MCC: variants seen among roughly 807,000 people sequenced by gnomAD.
MCC encodes the protein MCC regulator of Wnt signaling pathway.
In MCC, 90 loss-of-function variants were observed where a neutral mutation model predicts 116.2. That is an observed-to-expected ratio of 0.77 (90% confidence interval 0.65 to 0.92). The LOEUF is 0.92. Among genes scored for constraint, MCC ranks in the 40% least tolerant of loss-of-function variants. The pLI, the probability that MCC is intolerant of heterozygous loss-of-function variation, is 0.00. For missense variants in MCC, 1,516 were observed against 1,312.2 expected, an observed-to-expected ratio of 1.16 and a Z score of -2.40; for synonymous variants, 578 against 510.5, an observed-to-expected ratio of 1.13 and a Z score of -1.78.
At chr5:113,113,607 C>A (rs912610947) in intron 6 of MCC, among the ~76,000 whole-genome samples, 1 of 145,200 alleles carries the variant, frequency 6.9e-6, no homozygotes, top group Non-Finnish European at 1.5e-5. Context: ...AGGAACCTCC[C>A]GCTGCAACAT....
At position 113,488,327 on chromosome 5, in the gene MCC, CGCT is replaced by C. The variant is rs577989080; in HGVS notation, c.85_87del (p.Ser29del). On this transcript the variant is annotated inframe_deletion, in exon 1 of 19. Coordinates refer to ENST00000408903, the MANE Select transcript of MCC (RefSeq NM_001085377.2). ...TCCTCCTCGCCGGTGCTGGACGTGT[CGCT>C]GCTGCTGCTGCTGCTGCCGCTGCCG... 7.4e-5 allele frequency: 112 copies of C among 1,516,496 alleles called. No individual in the cohort carries two copies. Among genetic ancestry groups the C allele is most frequent in the African/African-American group, 3.3e-4 (23 of 69,356 alleles). 93.9% of individuals were successfully genotyped at this position (1,516,496 alleles called of 1,614,324 possible). A position where few individuals can be genotyped will look rare whatever the true frequency, so the allele number is the denominator to read the frequency against.
At chr5:113,286,438 C>T (rs1048164013) in intron 3 of MCC, among the ~76,000 whole-genome samples, 2 of 152,176 alleles carry the variant, frequency 1.3e-5, no homozygotes, top group Admixed American at 6.5e-5. Context: ...CTGACATGCG[C>T]ACACACATTG....
rs2150378842 is a variant in MCC at position 113,340,669 on chromosome 5, G to T, written c.477C>A (p.Ser159Arg). 1 of 1,614,086 alleles carries T rather than the reference G, an allele frequency of 6.2e-7. No homozygotes were observed. Residue 159 changes from serine to arginine, a missense_variant, in exon 3 of 19, where the codon AGC becomes AGA. Transcript: ENST00000408903. ...GGGCTGACTGGCTCTGCACATCCGG[G>T]CTCTGGAGGTCCCTGGCACCAGAGT... ...EYDSGARDLQ[S>R]PDVQSQSALQ...
At chr5:113,473,149 T>C (rs1051066262) in intron 1 of MCC, among the ~76,000 whole-genome samples, 1 of 152,204 alleles carries the variant, frequency 6.6e-6, no homozygotes, top group African/African-American at 2.4e-5. Context: ...TAACTAACCA[T>C]AGAGGGATAG....
At chr5:113,403,960 G>A (rs990810828) in intron 1 of MCC, among the ~76,000 whole-genome samples, 1 of 152,072 alleles carries the variant, frequency 6.6e-6, no homozygotes, top group Non-Finnish European at 1.5e-5. Context: ...TCCGCCTCCC[G>A]GGTTCAAGCG....
intron 3 of MCC, among the ~76,000 whole-genome samples, chr5:113,243,921 C>T (rs574999445): frequency 6.6e-6 from 1 of 152,232 alleles, no homozygotes; most frequent in African/African-American, 2.4e-5. Context: ...TGCCACCCAT[C>T]CAACACCCGG....
chr5:113,043,194 T>G (rs1751841053), intron 17 of MCC, among the ~76,000 whole-genome samples: 1 of 152,238 alleles, frequency 6.6e-6, no homozygotes, highest in Non-Finnish European at 1.5e-5. Context: ...CTGCTGAAGT[T>G]GGAAACAAGG....
chr5:113,055,454 G>A (rs1206101026), intron 14 of MCC, among the ~76,000 whole-genome samples: 1 of 152,216 alleles, frequency 6.6e-6, no homozygotes, highest in Non-Finnish European at 1.5e-5. Flanking sequence ...CTTCCGGGGA[G>A]AGAAAAGCTG....
chr5:113,486,350 C>G (rs550441224), intron 1 of MCC, among the ~76,000 whole-genome samples: 1 of 152,306 alleles, frequency 6.6e-6, no homozygotes, highest in Admixed American at 6.5e-5. Flanking sequence ...TAATCCAAAA[C>G]GGCTTCTTTA....
At chr5:113,147,674 C>T (rs1759604794) in intron 4 of MCC, among the ~76,000 whole-genome samples, 1 of 152,094 alleles carries the variant, frequency 6.6e-6, no homozygotes, top group Non-Finnish European at 1.5e-5. Context: ...TAAGTTCTTG[C>T]CCAGGTTCGC....
intron 5 of MCC, among the ~76,000 whole-genome samples, chr5:113,123,715 C>T (rs114838948): frequency 1.2e-3 from 181 of 152,264 alleles, no homozygotes; most frequent in African/African-American, 4.1e-3. Flanking sequence ...GGTATGGAGA[C>T]AGCAAAATGA....
chr5:113,414,879 T>C (rs1276534299), intron 1 of MCC, among the ~76,000 whole-genome samples: 2 of 152,246 alleles, frequency 1.3e-5, no homozygotes, highest in African/African-American at 4.8e-5. Context: ...CTTTACAGTT[T>C]GTCATGTTTT....
intron 1 of MCC, among the ~76,000 whole-genome samples, chr5:113,392,603 G>A (rs1769427885): frequency 6.6e-6 from 1 of 152,000 alleles, no homozygotes; most frequent in Admixed American, 6.6e-5. Flanking sequence ...CATAAATGGA[G>A]GAGACATGAA....
chr5:113,211,724 A>C (rs1763141821), intron 3 of MCC, among the ~76,000 whole-genome samples: 1 of 152,184 alleles, frequency 6.6e-6, no homozygotes, highest in African/African-American at 2.4e-5. Context: ...GAGACCTTTA[A>C]CTCATTATCT....
In MCC at chr5:113,027,334, A is replaced by C. The variant is rs752582099; in HGVS notation, c.3028T>G (p.Ser1010Ala). 6.2e-6 allele frequency: 10 copies of C among 1,613,990 alleles called. No individual in the cohort carries two copies. In the African/African-American group the frequency reaches 1.1e-4, roughly 17 times the overall value. ...QRIALLEEEN[S>A]RPHTNETSL ...GAAGTTTCATTGGTGTGTGGCCTGG[A>C]GTTCTCCTCCTCTAGCAGAGCTATT... The change falls in exon 19 of 19, where the codon TCC becomes GCC. Residue 1010 changes from serine to alanine, a missense_variant. By Grantham distance (99) the Ser-to-Ala change is moderately conservative (BLOSUM62 1). Transcript: ENST00000408903.
intron 1 of MCC, among the ~76,000 whole-genome samples, chr5:113,438,313 G>A (rs995585509): frequency 2.6e-5 from 4 of 152,122 alleles, no homozygotes; most frequent in African/African-American, 4.8e-5. Context: ...ACGGTGAGTT[G>A]TAGGAGCTGA....
At chr5:113,238,122 A>G (rs1305258559) in intron 3 of MCC, among the ~76,000 whole-genome samples, 2 of 152,222 alleles carry the variant, frequency 1.3e-5, no homozygotes, top group African/African-American at 4.8e-5. Flanking sequence ...TAGCACTCAC[A>G]GCAAAATGCA....
intron 3 of MCC, among the ~76,000 whole-genome samples, chr5:113,254,374 G>C (rs946066872): frequency 6.6e-6 from 1 of 152,134 alleles, no homozygotes; most frequent in African/African-American, 2.4e-5. Flanking sequence ...ATTAAGCCAA[G>C]AATAAAAGGA....
rs1460979013 is a variant in MCC, at chr5:113,027,333, G to T, written c.3029C>A (p.Ser1010Tyr). The T allele has an allele frequency of 6.2e-7, 1 of 1,614,184 alleles. No individual in the cohort carries two copies. The highest frequency in any genetic ancestry group is 2.2e-5 in the East Asian group (1 of 44,886). The change falls in exon 19 of 19, where the codon TCC becomes TAC. Residue 1010 changes from serine (S) to tyrosine (Y), a missense_variant. Physicochemically the swap from Ser to Tyr is moderately radical, Grantham distance 144. Coordinates refer to ENST00000408903, the MANE Select transcript of MCC (RefSeq NM_001085377.2). ...QRIALLEEENSRPHTNETSL is the reference protein window; with the variant it reads ...QRIALLEEENYRPHTNETSL Reference sequence around the variant, plus strand: ...CGAAGTTTCATTGGTGTGTGGCCTGGAGTTCTCCTCCTCTAGCAGAGCTAT... The same window carrying T: ...CGAAGTTTCATTGGTGTGTGGCCTGTAGTTCTCCTCCTCTAGCAGAGCTAT...
Sources: allele counts gnomAD v4.1 joint callset (sites outside exome capture counted in the v4.1 genomes callset), GRCh38; gene constraint gnomAD v4.1.1; transcripts MANE v1.5; gene names NCBI Gene and HGNC (gene_info 2026-07-23, HGNC 2026-07-21).